NRG1: variants seen among roughly 807,000 people sequenced by gnomAD.
The protein encoded by NRG1 is neuregulin 1.
Under a neutral mutation model 63.8 loss-of-function variants are expected in NRG1, and 18 were observed. That is an observed-to-expected ratio of 0.28 (90% CI 0.19 to 0.42). NRG1 has a LOEUF of 0.42. Ranked by LOEUF, NRG1 falls within the 10% of genes least tolerant of loss-of-function variation. NRG1 has a pLI of 1.00. For missense variants in NRG1, 762 were observed against 814.7 expected, an observed-to-expected ratio of 0.94 and a Z score of 0.79; for synonymous variants, 302 against 301.3, an observed-to-expected ratio of 1.00 and a Z score of -0.02.
intron 1 of NRG1, among the ~76,000 whole-genome samples, chr8:32,476,317 GGGGCTATCCCTCGT>G (rs148457374): frequency 0.013 from 1,981 of 152,282 alleles, 47 homozygotes; most frequent in African/African-American, 0.045. Flanking sequence ...TCATTCTTCA[GGGGCTATCCCTCGT>G]GATCCTATTT....
intron 1 of NRG1, among the ~76,000 whole-genome samples, chr8:31,738,912 C>T (rs1814968716): frequency 6.6e-6 from 1 of 152,070 alleles, no homozygotes; most frequent in Non-Finnish European, 1.5e-5. Context: ...TTCATCTTAA[C>T]TAATTACATC....
At chr8:32,300,523 T>C (rs1234317544) in intron 1 of NRG1, among the ~76,000 whole-genome samples, 2 of 152,204 alleles carry the variant, frequency 1.3e-5, no homozygotes, top group African/African-American at 4.8e-5. Context: ...TGGGCAAATA[T>C]AAAGCTAGGG....
chr8:32,416,700 G>C (rs1055876702), intron 1 of NRG1, among the ~76,000 whole-genome samples: 10 of 151,794 alleles, frequency 6.6e-5, no homozygotes, highest in African/African-American at 2.4e-4. Context: ...GTTTTGTTTT[G>C]TTTTTGAGAC....
chr8:32,309,689 G>A (rs1856603946), intron 1 of NRG1, among the ~76,000 whole-genome samples: 2 of 151,962 alleles, frequency 1.3e-5, no homozygotes, highest in African/African-American at 2.4e-5. Flanking sequence ...TTCCTCCCTT[G>A]TGCATAGATA....
At chr8:32,673,245 A>G (rs936305495) in intron 5 of NRG1, among the ~76,000 whole-genome samples, 9 of 152,238 alleles carry the variant, frequency 5.9e-5, no homozygotes, top group Non-Finnish European at 8.8e-5. Flanking sequence ...AAAACTTTAT[A>G]CATGTTTCAA....
intron 1 of NRG1, among the ~76,000 whole-genome samples, chr8:31,710,391 T>G (rs2131248851): frequency 6.6e-6 from 1 of 152,096 alleles, no homozygotes; most frequent in East Asian, 1.9e-4. Flanking sequence ...TTTTTATTTC[T>G]AATATAAAGT....
intron 1 of NRG1, among the ~76,000 whole-genome samples, chr8:32,158,372 T>C (rs1838384397): frequency 6.8e-6 from 1 of 147,404 alleles, no homozygotes; most frequent in Admixed American, 7.0e-5. Flanking sequence ...ATTAAAATAA[T>C]ACTATCAGCC....
chr8:32,630,657 T>C (rs897774484), intron 5 of NRG1, among the ~76,000 whole-genome samples: 2 of 152,206 alleles, frequency 1.3e-5, no homozygotes, highest in African/African-American at 4.8e-5. Context: ...TGGAAGGTTA[T>C]TTGTTTTAAC....
chr8:32,444,706 C>G (rs529434631), intron 1 of NRG1, among the ~76,000 whole-genome samples: 6 of 152,296 alleles, frequency 3.9e-5, no homozygotes, highest in African/African-American at 1.4e-4. Flanking sequence ...GAACAGCATT[C>G]TTTCCTGGGA....
At position 32,375,347 on chromosome 8, in the gene NRG1, A is replaced by G. The variant is rs189142502; in HGVS notation, c.38-220481A>G. 1.2e-4 allele frequency among the ~76,000 whole-genome samples: 19 copies of G among 152,326 alleles called. No individual in the cohort carries two copies. In the South Asian group the frequency reaches 3.7e-3, roughly 30 times the overall value. On this transcript the variant is annotated intron_variant, in intron 1 of 10. Transcript: ENST00000519301. Reference sequence around the variant, plus strand: ...TGAGAAATAAGTTTAAGAGATAAGTATGCAGTTATGAGGAAAGGTGATAGA... The same window carrying G: ...TGAGAAATAAGTTTAAGAGATAAGTGTGCAGTTATGAGGAAAGGTGATAGA...
At position 31,722,385 on chromosome 8, in the gene NRG1, A is replaced by G. The variant is rs556351832; in HGVS notation, c.37+82954A>G. On this transcript the variant is annotated intron_variant, in intron 1 of 10. Coordinates refer to the NRG1 transcript ENST00000519301. Reference sequence around the variant, plus strand: ...TGATGTCTTTCATCTGTTCTCTTATAGGCTTGGATGCATCTCCTTCCTGTC... The same window carrying G: ...TGATGTCTTTCATCTGTTCTCTTATGGGCTTGGATGCATCTCCTTCCTGTC... Among the ~76,000 whole-genome samples, 219 of 152,074 alleles carry G rather than the reference A, an allele frequency of 1.4e-3. 2 individuals carry two copies. Among genetic ancestry groups the G allele is most frequent in the Admixed American group, 4.2e-3 (64 of 15,256 alleles).
chr8:31,812,293 C>T (rs1822966584), intron 1 of NRG1, among the ~76,000 whole-genome samples: 1 of 152,142 alleles, frequency 6.6e-6, no homozygotes, highest in Non-Finnish European at 1.5e-5. Context: ...TCTTAAAATA[C>T]AAGTTGCTGG....
chr8:32,278,506 T>G lies in NRG1; in HGVS notation c.38-317322T>G, dbSNP rs117505922. The stretch of plus-strand genomic sequence containing the variant: ...GGTTCTGGACATAGTCATGAGGTCA[T>G]CATTCCTAATTAGAGTAGGAATTTC... On this transcript the variant is annotated intron_variant, in intron 1 of 10. Transcript: ENST00000519301. 1.8e-3 allele frequency among the ~76,000 whole-genome samples: 277 copies of G among 152,340 alleles called. 1 individual carries two copies. The highest frequency in any genetic ancestry group is 2.9e-3 in the Non-Finnish European group (199 of 68,036).
At chr8:31,688,331 G>A (rs576726306) in intron 1 of NRG1, among the ~76,000 whole-genome samples, 6 of 152,276 alleles carry the variant, frequency 3.9e-5, no homozygotes, top group African/African-American at 1.4e-4. Context: ...AAGGGCCAAC[G>A]GAGCTTGTTT....
chr8:31,744,598 A>G (rs756150715), intron 1 of NRG1, among the ~76,000 whole-genome samples: 2 of 151,890 alleles, frequency 1.3e-5, no homozygotes, highest in Non-Finnish European at 2.9e-5. Flanking sequence ...GCTTATCATG[A>G]AGTTAAGGAT....
chr8:32,647,659 G>A (rs1020392808), intron 5 of NRG1: 8 of 1,499,102 alleles, frequency 5.3e-6, no homozygotes, highest in African/African-American at 4.2e-5. Context: ...TTGGTTGGGG[G>A]GGCCTCTGCG....
intron 1 of NRG1, among the ~76,000 whole-genome samples, chr8:32,328,466 A>G (rs1802273259): frequency 6.6e-6 from 1 of 151,988 alleles, no homozygotes; most frequent in Admixed American, 6.6e-5. Flanking sequence ...ATGTTGCCTA[A>G]ACTGAAGTCC....
chr8:32,231,113 G>A (rs537721945), intron 1 of NRG1, among the ~76,000 whole-genome samples: 2 of 152,002 alleles, frequency 1.3e-5, no homozygotes, highest in Non-Finnish European at 2.9e-5. Flanking sequence ...TGACTAATGG[G>A]TCAGAAGAAG....
intron 2 of NRG1, among the ~76,000 whole-genome samples, chr8:32,604,440 C>T (rs112569725): frequency 1.2e-4 from 18 of 152,250 alleles, no homozygotes; most frequent in Middle Eastern, 3.4e-3. Flanking sequence ...CAAAGTATAA[C>T]GTGGGAGATT....
Sources: allele counts gnomAD v4.1 joint callset (sites outside exome capture counted in the v4.1 genomes callset), GRCh38; gene constraint gnomAD v4.1.1; transcripts MANE v1.5; gene names NCBI Gene and HGNC (gene_info 2026-07-23, HGNC 2026-07-21).